AGMO: variants seen among roughly 807,000 people sequenced by gnomAD.
AGMO encodes the protein glyceryl-ether monooxygenase.
A neutral mutation model predicts 60.2 loss-of-function variants in AGMO; 75 were observed. That is an observed-to-expected ratio of 1.25 (90% CI 1.03 to 1.51). AGMO has a LOEUF of 1.51. Ranked by LOEUF, AGMO falls within the 40% of genes most tolerant of loss-of-function variation. The probability of loss-of-function intolerance (pLI) is 0.00; values close to 1 mark genes in which losing one functional copy is unlikely to be tolerated. For synonymous variants in AGMO, 261 were observed against 177.1 expected, an observed-to-expected ratio of 1.47 and a Z score of -3.76; for missense variants, 763 against 525.5, an observed-to-expected ratio of 1.45 and a Z score of -4.42.
chr7:15,416,019 CTTTTTTTCTTTTT>C (rs1199684845), intron 5 of AGMO, among the ~76,000 whole-genome samples: 4 of 138,022 alleles, frequency 2.9e-5, no homozygotes, highest in Non-Finnish European at 4.8e-5. Flanking sequence ...TTTTTCTTTT[CTTTTTTTCTTTTT>C]TTTTTTTTTT....
intron 12 of AGMO, 41 bp from the exon 13 acceptor site, chr7:15,201,400 G>C: frequency 7.2e-7 from 1 of 1,389,034 alleles, no homozygotes; most frequent in Non-Finnish European, 1.0e-6. Flanking sequence ...AATTAGAAGT[G>C]AATCAATACT....
intron 3 of AGMO, among the ~76,000 whole-genome samples, chr7:15,516,018 T>C (rs1346776965): frequency 6.6e-6 from 1 of 152,176 alleles, no homozygotes; most frequent in Non-Finnish European, 1.5e-5. Flanking sequence ...TGAGGTATGA[T>C]GTAAATTACT....
At chr7:15,154,176 CAA>C in the AGMO span, among the ~76,000 whole-genome samples, 2 of 152,096 alleles carry the variant, frequency 1.3e-5, no homozygotes, top group Non-Finnish European at 2.9e-5. Flanking sequence ...ATGAATTCAG[CAA>C]AGTTTCAAAA....
At chr7:15,184,355 G>C in the AGMO span, among the ~76,000 whole-genome samples, 4 of 27,824 alleles carry the variant, frequency 1.4e-4, 1 homozygote, top group African/African-American at 1.2e-3. Flanking sequence ...AGAAGGGAGG[G>C]AGGGAAGGAA....
chr7:15,180,704 C>T, the AGMO span, among the ~76,000 whole-genome samples: 3 of 152,184 alleles, frequency 2.0e-5, no homozygotes, highest in African/African-American at 7.2e-5. Flanking sequence ...TACCCATTTC[C>T]AAAGCTGTTT....
the AGMO span, among the ~76,000 whole-genome samples, chr7:15,164,284 A>G: frequency 6.6e-6 from 1 of 152,116 alleles, no homozygotes; most frequent in Non-Finnish European, 1.5e-5. Flanking sequence ...TGAAACTATA[A>G]AAATCCTAGA....
intron 3 of AGMO, among the ~76,000 whole-genome samples, chr7:15,453,205 A>C (rs549747807): frequency 1.3e-5 from 2 of 152,212 alleles, no homozygotes; most frequent in African/African-American, 4.8e-5. Context: ...CAGTTTAAGA[A>C]GGCAAATGTT....
intron 12 of AGMO, among the ~76,000 whole-genome samples, chr7:15,223,053 C>CAT (rs1781970916): frequency 1.3e-5 from 2 of 151,900 alleles, no homozygotes; most frequent in South Asian, 4.1e-4. Context: ...TGAAGCATTT[C>CAT]ATGTAGTTTA....
intron 12 of AGMO, chr7:15,358,325 A>G: frequency 4.5e-6 from 2 of 439,646 alleles, no homozygotes; most frequent in Non-Finnish European, 9.4e-6. Context: ...GAGGCAGCAA[A>G]TTGTTAACCT....
chr7:15,222,813 G>C (rs919786444), intron 12 of AGMO, among the ~76,000 whole-genome samples: 1 of 151,810 alleles, frequency 6.6e-6, no homozygotes, highest in Non-Finnish European at 1.5e-5. Context: ...CAAATACCTA[G>C]AAATTTACCC....
intron 12 of AGMO, among the ~76,000 whole-genome samples, chr7:15,336,815 A>C (rs1781677727): frequency 6.6e-6 from 1 of 152,226 alleles, no homozygotes; most frequent in Non-Finnish European, 1.5e-5. Flanking sequence ...ATTACTTATC[A>C]GGCTCTACAT....
At chr7:15,351,929 T>A (rs922943684) in intron 12 of AGMO, among the ~76,000 whole-genome samples, 2 of 152,214 alleles carry the variant, frequency 1.3e-5, no homozygotes, top group Admixed American at 1.3e-4. Context: ...CAGTAACATA[T>A]GAATTCGGTA....
chr7:15,132,634 G>C, the AGMO span, among the ~76,000 whole-genome samples: 3 of 152,138 alleles, frequency 2.0e-5, no homozygotes, highest in Admixed American at 2.0e-4. Context: ...ACAACATGGA[G>C]GCAACTTGTG....
intron 3 of AGMO, among the ~76,000 whole-genome samples, chr7:15,475,533 G>T (rs1461836621): frequency 6.6e-6 from 1 of 151,996 alleles, no homozygotes. Context: ...ACACACTGGG[G>T]CCTGTCGGAT....
chr7:15,132,551 A>C, the AGMO span, among the ~76,000 whole-genome samples: 1 of 152,154 alleles, frequency 6.6e-6, no homozygotes, highest in Non-Finnish European at 1.5e-5. Flanking sequence ...AATAAGGCAT[A>C]AACAAATGAG....
At chr7:15,460,442 G>A (rs1436805979) in intron 3 of AGMO, among the ~76,000 whole-genome samples, 4 of 151,642 alleles carry the variant, frequency 2.6e-5, no homozygotes, top group African/African-American at 7.3e-5. Context: ...ATATTTTAAG[G>A]CTATGTTTTC....
At chr7:15,315,169 G>C (rs1040170357) in intron 12 of AGMO, among the ~76,000 whole-genome samples, 2 of 151,858 alleles carry the variant, frequency 1.3e-5, no homozygotes, top group African/African-American at 4.8e-5. Flanking sequence ...AAAGACTTCT[G>C]GCACATAGAG....
chr7:15,287,802 A>C lies in AGMO; in HGVS notation c.1263+77712T>G, dbSNP rs544802137. On this transcript the variant is annotated intron_variant, in intron 12 of 12. Coordinates refer to ENST00000342526, the MANE Select transcript of AGMO (RefSeq NM_001004320.2). ...TAGCTAAATTTTTTTTTGTATGATA[A>C]ATCTGGTCCTTTTGAATACATTACC... Among the ~76,000 whole-genome samples, 54 of 152,228 alleles carry C rather than the reference A, an allele frequency of 3.5e-4. No individual in the cohort carries two copies. In the East Asian group the frequency reaches 7.5e-3, roughly 21 times the overall value.
chr7:15,323,280 A>G (rs76709266), intron 12 of AGMO, among the ~76,000 whole-genome samples: 4,093 of 152,238 alleles, frequency 0.027, 81 homozygotes, highest in South Asian at 0.081. Flanking sequence ...TTCCAATAGT[A>G]ATTAATTCTG....
Sources: allele counts gnomAD v4.1 joint callset (sites outside exome capture counted in the v4.1 genomes callset), GRCh38; gene constraint gnomAD v4.1.1; transcripts MANE v1.5; gene names NCBI Gene and HGNC (gene_info 2026-07-23, HGNC 2026-07-21).